SYMPK: variants seen among roughly 807,000 people sequenced by gnomAD.
SYMPK encodes symplekin scaffold protein, also known as symplekin.
A neutral mutation model predicts 136.4 loss-of-function variants in SYMPK; 49 were observed. The ratio of observed to expected loss-of-function variants is 0.36; its 90% CI spans 0.29 to 0.46. The LOEUF (loss-of-function observed/expected upper bound fraction) is 0.46. Among genes scored for constraint, SYMPK ranks in the 20% least tolerant of loss-of-function variants. The pLI is 1.00. For missense variants in SYMPK, 1,365 were observed against 1,690.0 expected, an observed-to-expected ratio of 0.81 and a Z score of 3.37; for synonymous variants, 766 against 713.0, an observed-to-expected ratio of 1.07 and a Z score of -1.19.
intron 21 of SYMPK, 124 bp downstream of exon 21, chr19:45,822,632 A>C: frequency 1.4e-6 from 1 of 728,196 alleles, no homozygotes; most frequent in South Asian, 1.6e-5. Context: ...GATGTCCAGT[A>C]CAGCTGGTGT....
intron 7 of SYMPK, among the ~76,000 whole-genome samples, chr19:45,844,674 T>TA (rs201660380): frequency 0.15 from 21,385 of 144,468 alleles, 1,552 homozygotes; most frequent in Admixed American, 0.18. Flanking sequence ...GACTCCATAT[T>TA]AAAAAAAAAA....
chr19:45,817,563 T>C (rs144297353), intron 23 of SYMPK, among the ~76,000 whole-genome samples: 1 of 151,386 alleles, frequency 6.6e-6, no homozygotes, highest in Non-Finnish European at 1.5e-5. Context: ...TCCCAAAGAG[T>C]TGGCATTACA....
Position 45,835,333 on chromosome 19 carries a change from T to C in SYMPK, c.1243-105A>G, listed in dbSNP as rs1442484382. ...GGAAATGGCAGTGCCTAAGACCGACTTGGGCCTGCTCTCCTGGGGCCCAGC... is the reference window on the plus strand; with the variant it reads ...GGAAATGGCAGTGCCTAAGACCGACCTGGGCCTGCTCTCCTGGGGCCCAGC... On this transcript the variant is annotated intron_variant, in intron 10 of 26. Transcript: ENST00000245934. 1.8e-5 allele frequency: 21 copies of C among 1,166,424 alleles called. No individual in the cohort carries two copies. In the East Asian group the frequency reaches 4.5e-4, roughly 25 times the overall value. 72.3% of individuals were successfully genotyped at this position (1,166,424 alleles called of 1,614,324 possible). A position where few individuals can be genotyped will look rare whatever the true frequency, so the allele number is the denominator to read the frequency against.
chr19:45,827,421 T>C, intron 16 of SYMPK, 89 bp downstream of exon 16: 2 of 830,862 alleles, frequency 2.4e-6, no homozygotes, highest in Non-Finnish European at 4.1e-6. Context: ...TGCAAGGGAG[T>C]GTGGAAGACG....
At chr19:45,846,301 G>A (rs1008222478) in intron 7 of SYMPK, among the ~76,000 whole-genome samples, 1 of 152,216 alleles carries the variant, frequency 6.6e-6, no homozygotes, top group African/African-American at 2.4e-5. Flanking sequence ...AGAATGTAAT[G>A]TAACTATACT....
At chr19:45,823,230 T>C (rs1970951357) in intron 20 of SYMPK, 142 bp downstream of exon 20, 3 of 841,530 alleles carry the variant, frequency 3.6e-6, no homozygotes, top group Non-Finnish European at 5.8e-6. Flanking sequence ...GCGGCTTCCA[T>C]GACTTCTGAC....
rs763045570 is a variant in SYMPK at position 45,854,425 on chromosome 19, C to G, written c.71G>C (p.Gly24Ala). ...VASQFFTQEE[G>A]PGIDGMTTSE... is the part of the protein sequence containing the mutation. ...GGTGGTCATGCCATCGATGCCCGGC[C>G]CCTCCTCTTGAGTGAAAAACTGTGA... The change falls in exon 2 of 27, where the codon GGG (glycine) becomes GCG (alanine). Residue 24 changes from glycine (G) to alanine (A), a missense_variant. By Grantham distance (60) the Gly-to-Ala change is moderately conservative. Around this residue, in one of 11 missense-constraint regions of SYMPK, gnomAD observed 61 missense variants for 80.7 expected, o/e 0.76. Transcript: ENST00000245934. 1 of 1,614,166 alleles carries G rather than the reference C, an allele frequency of 6.2e-7. No homozygotes were observed. The highest frequency in any genetic ancestry group is 8.5e-7 in the Non-Finnish European group (1 of 1,180,026).
Position 45,860,936 on chromosome 19 carries a change from G to T in SYMPK, c.-13+2122C>A, listed in dbSNP as rs146315820. On this transcript the variant is annotated intron_variant, in intron 1 of 26. Coordinates refer to ENST00000245934, the MANE Select transcript of SYMPK (RefSeq NM_004819.3). The stretch of plus-strand genomic sequence containing the variant: ...TGACCTGACCAAAGGCATATAGCTT[G>T]TAAGAGGCAGAGTCAGCAGCATGGC... Among the ~76,000 whole-genome samples the T allele has an allele frequency of 3.0e-4, 46 of 152,354 alleles. No homozygotes were observed. In the East Asian group the frequency reaches 8.5e-3, roughly 28 times the overall value.
Position 45,821,433 on chromosome 19 carries a change from T to C in SYMPK, c.2844A>G (p.Ala948=), listed in dbSNP as rs771439421. The C allele has an allele frequency of 1.2e-6, 2 of 1,613,988 alleles. No individual in the cohort carries two copies. Among genetic ancestry groups the C allele is most frequent in the Admixed American group, 1.7e-5 (1 of 59,998 alleles). ...SPLNPGELLI[A]LHNIDSVKCD... is the part of the protein sequence containing the mutation. ...ACTTCACGGAGTCAATGTTGTGTAA[T>C]GCGATCAGGAGCTCTCCAGGGTTCA... The change falls in exon 22 of 27, where the codon GCA becomes GCG. Residue 948 remains alanine, a synonymous_variant. Coordinates refer to ENST00000245934, the MANE Select transcript of SYMPK (RefSeq NM_004819.3). The surrounding 1 kb of genome is among the most constrained non-coding windows in gnomAD (Gnocchi z 4.4).
intron 1 of SYMPK, among the ~76,000 whole-genome samples, chr19:45,860,350 C>T (rs1054651118): frequency 1.3e-5 from 2 of 151,472 alleles, no homozygotes; most frequent in African/African-American, 2.4e-5. Flanking sequence ...CCTAGCTACT[C>T]GGGAGGCTGA....
In SYMPK at chr19:45,857,587, G is replaced by A. The variant is rs1971859140; in HGVS notation, c.-12-3080C>T. ...GCTCACTGCAAGCTCCGCCTCCTGG[G>A]TTCACACCATTCTCCTGCCTCAGCC... On this transcript the variant is annotated intron_variant, in intron 1 of 26. Transcript: ENST00000245934. Among the ~76,000 whole-genome samples the A allele has an allele frequency of 2.0e-5, 3 of 151,058 alleles. No homozygotes were observed. The East Asian group carries it at 6.0e-4, about 30-fold the overall frequency.
intron 16 of SYMPK, 69 bp from the exon 17 acceptor site, chr19:45,826,442 C>T: frequency 6.5e-7 from 1 of 1,534,842 alleles, no homozygotes; most frequent in Non-Finnish European, 9.0e-7. Flanking sequence ...TTCCTGCGAG[C>T]ATGGCAACAC....
chr19:45,852,244 G>A (rs1486564287), intron 5 of SYMPK, 68 bp downstream of exon 5: 1 of 1,549,594 alleles, frequency 6.5e-7, no homozygotes, highest in Non-Finnish European at 8.9e-7. Flanking sequence ...GTGGCCTCCA[G>A]GCCAGGCCAC....
chr19:45,822,243 C>T (rs987770435), intron 21 of SYMPK, among the ~76,000 whole-genome samples: 12 of 151,608 alleles, frequency 7.9e-5, no homozygotes, highest in East Asian at 7.8e-4. Flanking sequence ...CTCAGCCTCC[C>T]GAGTAGCTGG....
In SYMPK at chr19:45,829,084, T is replaced by C; in HGVS notation, c.1871A>G (p.Tyr624Cys). 6.2e-7 allele frequency: 1 copy of C among 1,614,114 alleles called. No individual in the cohort carries two copies. Among genetic ancestry groups the C allele is most frequent in the Non-Finnish European group, 8.5e-7 (1 of 1,180,026 alleles). Residue 624 changes from tyrosine to cysteine, a missense_variant, in exon 14 of 27, where the codon TAC (tyrosine) becomes TGC (cysteine). By Grantham distance (194) the Tyr-to-Cys change is radical. Coordinates refer to ENST00000245934, the MANE Select transcript of SYMPK (RefSeq NM_004819.3). Reference protein sequence around the residue: ...ARLDLAFAWLYQEYNAYLAAG... With the variant: ...ARLDLAFAWLCQEYNAYLAAG... ...GGCCAGGTAGGCGTTGTACTCCTGGTAGAGCCAGGCGAAGGCCAGGTCCAG... is the reference window on the plus strand; with the variant it reads ...GGCCAGGTAGGCGTTGTACTCCTGGCAGAGCCAGGCGAAGGCCAGGTCCAG...
At chr19:45,828,136 T>G (rs1971089512) in intron 14 of SYMPK, 3 of 529,630 alleles carry the variant, frequency 5.7e-6, no homozygotes, top group Non-Finnish European at 1.0e-5. Flanking sequence ...ACTCATTTCT[T>G]CCGTTTGTCA....
At position 45,823,222 on chromosome 19, in the gene SYMPK, G is replaced by A. The variant is rs113826473; in HGVS notation, c.2700+150C>T. 1.7e-3 allele frequency: 1,317 copies of A among 771,394 alleles called. 8 individuals carry two copies. The African/African-American group carries it at 0.018, about 11-fold the overall frequency. The allele number at this position is 771,394 out of a possible 1,614,324, so 47.8% of individuals were successfully genotyped here. On this transcript the variant is annotated intron_variant, in intron 20 of 26. Transcript: ENST00000245934. ...ATTTCCAGGGTACCCAGGTGTCGGC[G>A]GCTTCCATGACTTCTGACCACAGGC...
At chr19:45,844,001 C>T in intron 8 of SYMPK, 29 bp downstream of exon 8, 1 of 1,200,300 alleles carries the variant, frequency 8.3e-7, no homozygotes, top group Non-Finnish European at 1.1e-6. Flanking sequence ...GAAGAGAAGG[C>T]AGGGGGAGGG....
rs1213068781 is a variant in SYMPK, at chr19:45,843,997, A to T, written c.847+33T>A. ...AAAGAGCAGACTGGCCAGTGAAGAG[A>T]AGGCAGGGGGAGGGGGGAGGACAAT... is the stretch of plus-strand genomic sequence containing the variant. On this transcript the variant is annotated intron_variant, in intron 8 of 26. Transcript: ENST00000245934. 8.9e-6 allele frequency: 11 copies of T among 1,241,316 alleles called. No homozygotes were observed. In the Admixed American group the frequency reaches 2.9e-4, roughly 33 times the overall value. 76.9% of individuals were successfully genotyped at this position (1,241,316 alleles called of 1,614,324 possible).
Sources: allele counts gnomAD v4.1 joint callset (sites outside exome capture counted in the v4.1 genomes callset), GRCh38; gene constraint gnomAD v4.1.1; regional missense constraint gnomAD v4.1.1; non-coding constraint Gnocchi (gnomAD v3.1); transcripts MANE v1.5; gene names NCBI Gene and HGNC (gene_info 2026-07-23, HGNC 2026-07-21).